NCALD: variants seen among roughly 807,000 people sequenced by gnomAD.
The protein encoded by NCALD is neurocalcin delta, also known as neurocalcin-delta.
In NCALD, 10 loss-of-function variants were observed where a neutral mutation model predicts 18.6. The ratio of observed to expected loss-of-function variants is 0.54; its 90% CI spans 0.33 to 0.91. The LOEUF is 0.91. Among genes scored for constraint, NCALD ranks in the 40% least tolerant of loss-of-function variants. The probability of loss-of-function intolerance (pLI) is 0.03; values close to 1 mark genes in which losing one functional copy is unlikely to be tolerated. For synonymous variants in NCALD, 88 were observed against 87.4 expected, an observed-to-expected ratio of 1.01 and a Z score of -0.04; for missense variants, 184 against 247.6, an observed-to-expected ratio of 0.74 and a Z score of 1.72.
At chr8:102,075,965 AAC>A (rs1824332210) in intron 1 of NCALD, among the ~76,000 whole-genome samples, 1 of 151,726 alleles carries the variant, frequency 6.6e-6, no homozygotes, top group Non-Finnish European at 1.5e-5. Flanking sequence ...AAAAAAAACA[AAC>A]AAAAAACTGG....
chr8:101,970,073 G>A (rs997025586), intron 2 of NCALD, among the ~76,000 whole-genome samples: 7 of 152,204 alleles, frequency 4.6e-5, no homozygotes, highest in Admixed American at 1.3e-4. Context: ...AGGAAAAGCC[G>A]CTCCATGAAC....
chr8:101,914,103 C>A (rs951804020), intron 3 of NCALD, among the ~76,000 whole-genome samples: 4 of 152,172 alleles, frequency 2.6e-5, no homozygotes, highest in African/African-American at 9.7e-5. Flanking sequence ...TTTTACCTAA[C>A]ATCCTATTTT....
At chr8:101,984,719 A>G (rs1820740055) in intron 2 of NCALD, among the ~76,000 whole-genome samples, 1 of 152,222 alleles carries the variant, frequency 6.6e-6, no homozygotes, top group Admixed American at 6.5e-5. Flanking sequence ...GTACAGCAAC[A>G]TTCTCTTGAT....
In NCALD at chr8:101,871,988, TCATGCCGCCAAA is replaced by T. The variant is rs1453477791; in HGVS notation, c.-20+15141_-20+15152del. 15 of 841,342 alleles carry T rather than the reference TCATGCCGCCAAA, an allele frequency of 1.8e-5. No homozygotes were observed. The East Asian group carries it at 3.4e-4, about 19-fold the overall frequency. 52.1% of individuals were successfully genotyped at this position (841,342 alleles called of 1,614,324 possible). ...CACCCCAACTCATCTCTGGTCAGGT[TCATGCCGCCAAA>T]CACCAGAGGACCGATCAACTGAGCC... On this transcript the variant is annotated intron_variant, in intron 4 of 6. Transcript: ENST00000311028.
At chr8:101,997,959 C>A (rs138305798) in intron 2 of NCALD, among the ~76,000 whole-genome samples, 1 of 152,272 alleles carries the variant, frequency 6.6e-6, no homozygotes, top group Non-Finnish European at 1.5e-5. Context: ...TTAGTAATTA[C>A]ATTTCACTCC....
chr8:101,723,768 T>A (rs1322113731), intron 1 of NCALD, among the ~76,000 whole-genome samples: 1 of 152,174 alleles, frequency 6.6e-6, no homozygotes, highest in Non-Finnish European at 1.5e-5. Flanking sequence ...ATTCATACTA[T>A]CTTATAAACA....
chr8:101,910,562 A>G (rs16868730), intron 3 of NCALD, among the ~76,000 whole-genome samples: 7,029 of 152,304 alleles, frequency 0.046, 259 homozygotes, highest in African/African-American at 0.1. Flanking sequence ...ACCGTAATAC[A>G]GAAAGGATGT....
At chr8:101,877,977 G>A (rs1046534659) in intron 4 of NCALD, among the ~76,000 whole-genome samples, 9 of 152,182 alleles carry the variant, frequency 5.9e-5, no homozygotes, top group African/African-American at 2.2e-4. Flanking sequence ...CTGATCTAAT[G>A]AAGCTAGAAA....
intron 2 of NCALD, among the ~76,000 whole-genome samples, chr8:102,001,596 G>T (rs1337477088): frequency 6.6e-6 from 1 of 152,198 alleles, no homozygotes; most frequent in African/African-American, 2.4e-5. Flanking sequence ...AAGTTGAAAT[G>T]ATGGAAAAAA....
At chr8:102,062,729 C>A (rs1823887870) in intron 1 of NCALD, among the ~76,000 whole-genome samples, 1 of 152,148 alleles carries the variant, frequency 6.6e-6, no homozygotes, top group Admixed American at 6.5e-5. Flanking sequence ...CTCTTTGAAC[C>A]AACAGCATTT....
chr8:101,768,716 AAAAAAAC>A (rs1811455258), intron 1 of NCALD, among the ~76,000 whole-genome samples: 1 of 81,376 alleles, frequency 1.2e-5, no homozygotes, highest in Non-Finnish European at 2.7e-5. Context: ...CTCAAAAAAC[AAAAAAAC>A]AAAAAAAAAA....
chr8:101,980,155 C>T (rs189881834), intron 2 of NCALD, among the ~76,000 whole-genome samples: 21 of 152,302 alleles, frequency 1.4e-4, no homozygotes, highest in Non-Finnish European at 2.2e-4. Flanking sequence ...CTACAGCACT[C>T]AGACAATGGC....
intron 2 of NCALD, among the ~76,000 whole-genome samples, chr8:101,929,548 G>A (rs1283311478): frequency 2.0e-5 from 1 of 50,908 alleles, no homozygotes; most frequent in East Asian, 8.4e-4. Context: ...GGAAAGGGGA[G>A]GGGGGAGGGA....
chr8:102,080,674 G>A (rs937304526), intron 1 of NCALD, among the ~76,000 whole-genome samples: 1 of 152,200 alleles, frequency 6.6e-6, no homozygotes, highest in Admixed American at 6.5e-5. Context: ...CTCTGGGAAC[G>A]CTAAATGTTC....
intron 2 of NCALD, among the ~76,000 whole-genome samples, chr8:101,921,732 TTCTTA>T (rs1471466606): frequency 2.6e-5 from 4 of 152,216 alleles, no homozygotes; most frequent in Non-Finnish European, 5.9e-5. Context: ...AATCTAAGAA[TTCTTA>T]TCTAAGACAG....
intron 4 of NCALD, among the ~76,000 whole-genome samples, chr8:101,833,610 G>GTTTTTTTTT (rs555031298): frequency 1.4e-4 from 12 of 88,470 alleles, no homozygotes; most frequent in African/African-American, 4.4e-4. Flanking sequence ...TTTGTTTCTT[G>GTTTTTTTTT]TTTTTTTTTT....
intron 3 of NCALD, among the ~76,000 whole-genome samples, chr8:101,903,916 C>A (rs1419551327): frequency 6.6e-6 from 1 of 152,122 alleles, no homozygotes; most frequent in Non-Finnish European, 1.5e-5. Flanking sequence ...CATGGCAAAG[C>A]CATTAACCCC....
chr8:101,841,137 CT>C (rs1319941563), intron 4 of NCALD, among the ~76,000 whole-genome samples: 1 of 152,106 alleles, frequency 6.6e-6, no homozygotes, highest in Non-Finnish European at 1.5e-5. Context: ...CACTTTTCAT[CT>C]CTTTTCTAAT....
At chr8:102,081,418 TA>T (rs1363795428) in intron 1 of NCALD, among the ~76,000 whole-genome samples, 1 of 152,044 alleles carries the variant, frequency 6.6e-6, no homozygotes, top group East Asian at 1.9e-4. Context: ...AATTGATCCT[TA>T]ATGTCGTTGG....
Sources: allele counts gnomAD v4.1 joint callset (sites outside exome capture counted in the v4.1 genomes callset), GRCh38; gene constraint gnomAD v4.1.1; transcripts MANE v1.5; gene names NCBI Gene and HGNC (gene_info 2026-07-23, HGNC 2026-07-21).